Variants in LRRTM4 observed in about 807,000 individuals in gnomAD.
LRRTM4 encodes leucine-rich repeat transmembrane neuronal protein 4.
LRRTM4 carries 25 observed loss-of-function variants against 47.6 expected under a neutral mutation model. The observed-to-expected ratio is 0.53, with a 90% CI of 0.38 to 0.73. The LOEUF (loss-of-function observed/expected upper bound fraction) is 0.73. LRRTM4 is among the 30% of genes least tolerant of loss of function. The pLI, the probability that LRRTM4 is intolerant of heterozygous loss-of-function variation, is 0.00. For synonymous variants in LRRTM4, 311 were observed against 269.5 expected, an observed-to-expected ratio of 1.15 and a Z score of -1.51; for missense variants, 638 against 713.4, an observed-to-expected ratio of 0.89 and a Z score of 1.20.
At chr2:77,269,686 T>C (rs568478923) in intron 3 of LRRTM4, among the ~76,000 whole-genome samples, 1 of 152,216 alleles carries the variant, frequency 6.6e-6, no homozygotes, top group African/African-American at 2.4e-5. Flanking sequence ...TAAACAAGGA[T>C]CTTTGTTAAA....
rs529743755 is a variant in LRRTM4 at position 77,136,366 on chromosome 2, G to A, written c.1551+381952C>T. Among the ~76,000 whole-genome samples, 5 of 152,292 alleles carry A rather than the reference G, an allele frequency of 3.3e-5. No homozygotes were observed. The South Asian group carries it at 1.0e-3, about 32-fold the overall frequency. On this transcript the variant is annotated intron_variant, in intron 3 of 3. Transcript: ENST00000409884. ...TCCGCTGCTGATACCCAGGCAAACA[G>A]GGTCTGGAGTGGACCTCCAGCAAAC...
intron 3 of LRRTM4, among the ~76,000 whole-genome samples, chr2:76,837,630 T>G (rs1312575614): frequency 6.6e-6 from 1 of 152,148 alleles, no homozygotes; most frequent in Middle Eastern, 3.2e-3. Context: ...TAAAGACACA[T>G]GCACACGCAT....
At chr2:76,839,044 C>G (rs918377507) in intron 3 of LRRTM4, among the ~76,000 whole-genome samples, 16 of 152,096 alleles carry the variant, frequency 1.1e-4, no homozygotes, top group African/African-American at 3.6e-4. Flanking sequence ...CAGATTACCT[C>G]AAGACCTCTG....
intron 3 of LRRTM4, among the ~76,000 whole-genome samples, chr2:76,995,113 C>G (rs1423341489): frequency 6.6e-6 from 1 of 151,820 alleles, no homozygotes; most frequent in African/African-American, 2.4e-5. Context: ...GAAGTGTGCT[C>G]TGTAGAACTA....
intron 3 of LRRTM4, among the ~76,000 whole-genome samples, chr2:77,326,706 C>T (rs1457749260): frequency 2.0e-5 from 3 of 152,172 alleles, no homozygotes; most frequent in African/African-American, 7.2e-5. Context: ...TCACCTATAA[C>T]TCTTTATAGT....
chr2:76,974,211 C>CATACATATATATATACATATATATAT (rs1440382318), intron 3 of LRRTM4, among the ~76,000 whole-genome samples: 9 of 118,220 alleles, frequency 7.6e-5, no homozygotes, highest in East Asian at 5.8e-4. Flanking sequence ...TATATATATA[C>CATACATATATATATACATATATATAT]ACATATATAT....
At chr2:76,940,193 T>C (rs1422346563) in intron 3 of LRRTM4, among the ~76,000 whole-genome samples, 1 of 152,168 alleles carries the variant, frequency 6.6e-6, no homozygotes, top group Non-Finnish European at 1.5e-5. Flanking sequence ...TACATATGTA[T>C]GTTCATGGCA....
At chr2:77,165,439 G>A (rs1300108457) in intron 3 of LRRTM4, among the ~76,000 whole-genome samples, 1 of 152,106 alleles carries the variant, frequency 6.6e-6, no homozygotes, top group African/African-American at 2.4e-5. Flanking sequence ...AGAAAAAGAG[G>A]GAATCCTTCC....
At chr2:77,210,607 C>T (rs1293289266) in intron 3 of LRRTM4, among the ~76,000 whole-genome samples, 3 of 151,964 alleles carry the variant, frequency 2.0e-5, no homozygotes, top group East Asian at 1.9e-4. Context: ...TTGCCATCAC[C>T]GTGGGCCAAA....
At chr2:77,207,781 G>GT (rs1341015013) in intron 3 of LRRTM4, among the ~76,000 whole-genome samples, 1 of 132,600 alleles carries the variant, frequency 7.5e-6, no homozygotes, top group Non-Finnish European at 1.6e-5. Flanking sequence ...ATTATATTCT[G>GT]TTTTTTCCAT....
chr2:76,753,145 T>C (rs1672908827), intron 3 of LRRTM4, among the ~76,000 whole-genome samples: 1 of 152,166 alleles, frequency 6.6e-6, no homozygotes, highest in Admixed American at 6.5e-5. Context: ...CTGAAGTAGG[T>C]TGTGAAAGGG....
At chr2:77,506,998 A>G (rs1431014653) in intron 3 of LRRTM4, among the ~76,000 whole-genome samples, 1 of 152,060 alleles carries the variant, frequency 6.6e-6, no homozygotes, top group African/African-American at 2.4e-5. Flanking sequence ...TGTGCATATG[A>G]TAGAATTTAT....
At chr2:77,370,837 C>T (rs1672630176) in intron 3 of LRRTM4, among the ~76,000 whole-genome samples, 1 of 151,716 alleles carries the variant, frequency 6.6e-6, no homozygotes, top group Admixed American at 6.6e-5. Flanking sequence ...AAGTTTCCAT[C>T]AGTCACAGCT....
Position 77,186,433 on chromosome 2 carries a change from T to C in LRRTM4, c.1551+331885A>G, listed in dbSNP as rs564442296. Among the ~76,000 whole-genome samples the C allele has an allele frequency of 4.6e-5, 7 of 152,286 alleles. No homozygotes were observed. The East Asian group carries it at 1.2e-3, about 25-fold the overall frequency. On this transcript the variant is annotated intron_variant, in intron 3 of 3. Coordinates refer to ENST00000409884, the MANE Select transcript of LRRTM4 (RefSeq NM_001134745.3). ...TGCTGGATTTTATGCTCCTGGGTAGTGGGATTTGTGTCTTTTGTTTGTTTC... is the reference window on the plus strand; with the variant it reads ...TGCTGGATTTTATGCTCCTGGGTAGCGGGATTTGTGTCTTTTGTTTGTTTC...
intron 3 of LRRTM4, among the ~76,000 whole-genome samples, chr2:77,230,274 C>T (rs976348162): frequency 1.3e-5 from 2 of 152,102 alleles, no homozygotes; most frequent in Non-Finnish European, 2.9e-5. Context: ...ACCAAATATA[C>T]TTTTAATCCA....
At chr2:77,160,251 A>C in intron 3 of LRRTM4, among the ~76,000 whole-genome samples, 1 of 152,310 alleles carries the variant, frequency 6.6e-6, no homozygotes, top group East Asian at 1.9e-4. Context: ...AGACTTTTAT[A>C]TAACAATCAT....
chr2:77,301,876 C>T (rs188098268), intron 3 of LRRTM4, among the ~76,000 whole-genome samples: 34 of 151,992 alleles, frequency 2.2e-4, no homozygotes, highest in Non-Finnish European at 4.0e-4. Context: ...TCATAACTTA[C>T]CAGTAACAGA....
intron 3 of LRRTM4, among the ~76,000 whole-genome samples, chr2:77,491,176 T>C (rs933381299): frequency 6.6e-6 from 1 of 152,020 alleles, no homozygotes; most frequent in South Asian, 2.1e-4. Flanking sequence ...AAAGTCTACA[T>C]TAAATAACCT....
intron 3 of LRRTM4, among the ~76,000 whole-genome samples, chr2:77,075,936 A>AAAAAAAAAAAAAAAAAAAAAAAG: frequency 6.7e-6 from 1 of 148,858 alleles, no homozygotes; most frequent in Non-Finnish European, 1.5e-5. Context: ...AAAAAAAAAA[A>AAAAAAAAAAAAAAAAAAAAAAAG]AAAAAAATGG....
Sources: allele counts gnomAD v4.1 joint callset (sites outside exome capture counted in the v4.1 genomes callset), GRCh38; gene constraint gnomAD v4.1.1; transcripts MANE v1.5; gene names NCBI Gene and HGNC (gene_info 2026-07-23, HGNC 2026-07-21).